Variants in FAM210A observed in about 807,000 individuals in gnomAD.
FAM210A encodes the protein family with sequence similarity 210 member A.
In FAM210A, 13 loss-of-function variants were observed where a neutral mutation model predicts 25.3. The ratio of observed to expected loss-of-function variants is 0.51; its 90% confidence interval spans 0.33 to 0.82. The LOEUF (loss-of-function observed/expected upper bound fraction) is 0.82, where lower values mean the gene tolerates loss of function less well. Among genes scored for constraint, FAM210A ranks in the 40% least tolerant of loss-of-function variants. FAM210A has a pLI of 0.02. For synonymous variants in FAM210A, 125 were observed against 118.7 expected (o/e 1.05, Z -0.35); for missense variants, 319 against 323.2 (o/e 0.99, Z 0.10).
chr18:13,679,584 T>A (rs2043533137), intron 2 of FAM210A, among the ~76,000 whole-genome samples: 1 of 152,180 alleles, frequency 6.6e-6, no homozygotes, highest in Non-Finnish European at 1.5e-5. Context: ...ATCCTGCCCA[T>A]TATAAATTCT....
intron 1 of FAM210A, among the ~76,000 whole-genome samples, chr18:13,709,631 C>T (rs1284209): frequency 0.89 from 135,193 of 152,230 alleles, 60,110 homozygotes; most frequent in East Asian, 0.97. Flanking sequence ...ACTTCTTATA[C>T]AATTTACTTA....
At chr18:13,692,308 T>G (rs1176135212) in intron 1 of FAM210A, among the ~76,000 whole-genome samples, 1 of 152,072 alleles carries the variant, frequency 6.6e-6, no homozygotes, top group Non-Finnish European at 1.5e-5. Context: ...ATGGGAGATT[T>G]TAACACCCCA....
At chr18:13,692,705 CA>C (rs1199562215) in intron 1 of FAM210A, among the ~76,000 whole-genome samples, 2 of 152,094 alleles carry the variant, frequency 1.3e-5, no homozygotes, top group African/African-American at 4.8e-5. Context: ...CCAATGAGAA[CA>C]AAGACACAAC....
intron 1 of FAM210A, among the ~76,000 whole-genome samples, chr18:13,688,044 G>A (rs1439816360): frequency 6.6e-6 from 1 of 152,088 alleles, no homozygotes; most frequent in East Asian, 1.9e-4. Context: ...CTCTCCAAAA[G>A]ACTCCACACT....
At chr18:13,719,374 A>T (rs997269539) in intron 1 of FAM210A, among the ~76,000 whole-genome samples, 2 of 152,232 alleles carry the variant, frequency 1.3e-5, no homozygotes, top group African/African-American at 4.8e-5. Flanking sequence ...AATGTAGAAG[A>T]AGTAAGTAAA....
chr18:13,686,295 C>A (rs1568481101), intron 1 of FAM210A, among the ~76,000 whole-genome samples: 1 of 152,198 alleles, frequency 6.6e-6, no homozygotes, highest in Non-Finnish European at 1.5e-5. Flanking sequence ...CCTCACCAAC[C>A]CACCTCCTCT....
chr18:13,664,930 G>C lies in FAM210A; in HGVS notation c.*1550C>G, dbSNP rs2043387632. On this transcript the variant is annotated 3_prime_UTR_variant, in exon 4 of 4. Transcript: ENST00000651643. ...CCATTCCCTCATCCAATTAGCAATT[G>C]AAGGGTTAGAACTGAAATAGTCACT... is the stretch of plus-strand genomic sequence containing the variant. 6.6e-6 allele frequency: 1 copy of C among 152,426 alleles called. No homozygotes were observed. The highest frequency in any genetic ancestry group is 2.4e-5 in the African/African-American group (1 of 41,424). The allele number at this position is 152,426 out of a possible 1,614,324, so 9.4% of individuals were successfully genotyped here. A position where few individuals can be genotyped will look rare whatever the true frequency, so the allele number is the denominator to read the frequency against.
chr18:13,682,534 C>G (rs1250184595), intron 1 of FAM210A, among the ~76,000 whole-genome samples: 1 of 152,172 alleles, frequency 6.6e-6, no homozygotes, highest in African/African-American at 2.4e-5. Flanking sequence ...GGCCACTGCC[C>G]TCCAACCTGG....
rs2043392283 is a variant in FAM210A, at chr18:13,665,402, A to AAAAAAAAAAAAAAAAAG, written c.*1077_*1078insCTTTTTTTTTTTTTTTT. On this transcript the variant is annotated 3_prime_UTR_variant, in exon 4 of 4. Transcript: ENST00000651643. Reference sequence around the variant, plus strand: ...GTCTCAAAAAAAAAAAAAAAAAAAAAAAAAATCAAGTAGAATGCTCAAACA... The same window carrying AAAAAAAAAAAAAAAAAG: ...GTCTCAAAAAAAAAAAAAAAAAAAAAAAAAAAAAAAAAAAAAGAAAAATCAAGTAGAATGCTCAAACA... 6.7e-6 allele frequency: 1 copy of AAAAAAAAAAAAAAAAAG among 149,310 alleles called. No homozygotes were observed. Among genetic ancestry groups the AAAAAAAAAAAAAAAAAG allele is most frequent in the Non-Finnish European group, 1.5e-5 (1 of 67,718 alleles). The allele number at this position is 149,310 out of a possible 1,614,324, so 9.2% of individuals were successfully genotyped here.
At chr18:13,683,545 T>C (rs1371099646) in intron 1 of FAM210A, among the ~76,000 whole-genome samples, 3 of 145,744 alleles carry the variant, frequency 2.1e-5, no homozygotes, top group African/African-American at 7.6e-5. Context: ...GCCTGGACAA[T>C]ACAGCAAGAC....
chr18:13,676,028 A>G (rs60764951), intron 2 of FAM210A, among the ~76,000 whole-genome samples: 2 of 122,522 alleles, frequency 1.6e-5, no homozygotes, highest in South Asian at 2.6e-4. Flanking sequence ...TGAGCCGCTG[A>G]CCTCTTTATT....
At chr18:13,723,290 T>TC in intron 1 of FAM210A, among the ~76,000 whole-genome samples, 1 of 152,304 alleles carries the variant, frequency 6.6e-6, no homozygotes, top group South Asian at 2.1e-4. Flanking sequence ...AAGATTCTGC[T>TC]CACTAGAAGC....
intron 1 of FAM210A, among the ~76,000 whole-genome samples, chr18:13,683,999 A>G (rs927217811): frequency 2.6e-5 from 4 of 152,232 alleles, no homozygotes; most frequent in Non-Finnish European, 4.4e-5. Context: ...AATTAACATC[A>G]GCTCCTAACA....
chr18:13,671,727 CCAGACATAT>C, intron 3 of FAM210A, 126 bp downstream of exon 3: 1 of 518,772 alleles, frequency 1.9e-6, no homozygotes, highest in Non-Finnish European at 3.5e-6. Context: ...ACATTATTCA[CCAGACATAT>C]CAGAGATGAA....
intron 1 of FAM210A, among the ~76,000 whole-genome samples, chr18:13,721,193 A>G (rs1430728637): frequency 6.6e-6 from 1 of 152,162 alleles, no homozygotes; most frequent in African/African-American, 2.4e-5. Context: ...GACATTCCCG[A>G]GGTAGGACAG....
In FAM210A at chr18:13,683,122, A is replaced by G. The variant is rs12455560; in HGVS notation, c.-28-1017T>C. On this transcript the variant is annotated intron_variant, in intron 1 of 3. Transcript: ENST00000651643. Reference sequence around the variant, plus strand: ...ATGACTTTACAGGATTGTCACCAGGAATTACATAAAATTTCTGATGTAAAG... The same window carrying G: ...ATGACTTTACAGGATTGTCACCAGGGATTACATAAAATTTCTGATGTAAAG... Among the ~76,000 whole-genome samples, 225 of 152,328 alleles carry G rather than the reference A, an allele frequency of 1.5e-3. 3 individuals are homozygous for G. Among genetic ancestry groups the G allele is most frequent in the East Asian group, 0.012 (61 of 5,188 alleles).
At chr18:13,686,364 C>A (rs1264004301) in intron 1 of FAM210A, among the ~76,000 whole-genome samples, 1 of 152,130 alleles carries the variant, frequency 6.6e-6, no homozygotes, top group Non-Finnish European at 1.5e-5. Flanking sequence ...TATGAATTAA[C>A]CTAATAATGC....
At chr18:13,725,636 T>A (rs980305417) in intron 1 of FAM210A, among the ~76,000 whole-genome samples, 1 of 152,232 alleles carries the variant, frequency 6.6e-6, no homozygotes, top group Non-Finnish European at 1.5e-5. Context: ...GACGTTAATA[T>A]GCACACGCTT....
At chr18:13,712,842 G>A (rs1043268503) in intron 1 of FAM210A, among the ~76,000 whole-genome samples, 1 of 152,178 alleles carries the variant, frequency 6.6e-6, no homozygotes, top group East Asian at 1.9e-4. Flanking sequence ...TCGATAGAAG[G>A]ACTCAAAACT....
Sources: allele counts gnomAD v4.1 joint callset (sites outside exome capture counted in the v4.1 genomes callset), GRCh38; gene constraint gnomAD v4.1.1; transcripts MANE v1.5; gene names NCBI Gene and HGNC (gene_info 2026-07-23, HGNC 2026-07-21).